The following MYO18B variants were observed in gnomAD, a reference collection of about 807,000 sequenced individuals.
MYO18B encodes myosin XVIIIB.
MYO18B carries 204 observed loss-of-function variants against 273.0 expected under a neutral mutation model. The ratio of observed to expected loss-of-function variants is 0.75; its 90% confidence interval spans 0.67 to 0.84. The LOEUF is 0.84. Among genes scored for constraint, MYO18B ranks in the 40% least tolerant of loss-of-function variants. The pLI is 0.00. For synonymous variants in MYO18B, 1,330 were observed against 1,305.7 expected, an observed-to-expected ratio of 1.02 and a Z score of -0.40; for missense variants, 3,212 against 3,287.6, an observed-to-expected ratio of 0.98 and a Z score of 0.56.
Position 25,768,343 on chromosome 22 carries a change from C to G in MYO18B, c.427C>G (p.Pro143Ala). The change falls in exon 4 of 44, where the codon CCC (proline) becomes GCC (alanine). Residue 143 changes from proline (P) to alanine (A), a missense_variant. Transcript: ENST00000335473. The stretch of plus-strand genomic sequence containing the variant: ...TGCGACACCAACCAAAAAGACTGTC[C>G]CCTTCAAGAGGGGCGTGAGGAGGGG... ...SSATPTKKTV[P>A]FKRGVRRGDV... 1 of 1,613,686 alleles carries G rather than the reference C, an allele frequency of 6.2e-7. No individual in the cohort carries two copies. Among genetic ancestry groups the G allele is most frequent in the Non-Finnish European group, 8.5e-7 (1 of 1,179,754 alleles).
chr22:25,977,076 G>A (rs2093097846), intron 39 of MYO18B, among the ~76,000 whole-genome samples: 1 of 152,156 alleles, frequency 6.6e-6, no homozygotes, highest in Non-Finnish European at 1.5e-5. Flanking sequence ...GAGTTGAGGG[G>A]CCGACTGTAG....
At chr22:25,968,040 T>A (rs2092997584) in intron 39 of MYO18B, among the ~76,000 whole-genome samples, 1 of 152,098 alleles carries the variant, frequency 6.6e-6, no homozygotes, top group Admixed American at 6.6e-5. Flanking sequence ...TGCCTTGGAG[T>A]TGATTGCCAT....
intron 10 of MYO18B, among the ~76,000 whole-genome samples, chr22:25,783,046 C>A (rs2087228035): frequency 1.3e-5 from 2 of 152,148 alleles, no homozygotes; most frequent in Admixed American, 1.3e-4. Flanking sequence ...TGACTGTATC[C>A]CAGTGTTGTG....
intron 31 of MYO18B, among the ~76,000 whole-genome samples, chr22:25,905,020 T>A (rs957531382): frequency 1.3e-5 from 2 of 152,020 alleles, no homozygotes; most frequent in Admixed American, 1.3e-4. Context: ...TCTTGTGGGA[T>A]TTTGTAAAAG....
At chr22:25,773,460 A>C (rs1012810114) in intron 7 of MYO18B, among the ~76,000 whole-genome samples, 1 of 151,880 alleles carries the variant, frequency 6.6e-6, no homozygotes, top group Non-Finnish European at 1.5e-5. Flanking sequence ...TACTATGGGT[A>C]TTTATTTATT....
rs910288045 is a variant in MYO18B at position 25,882,089 on chromosome 22, C to G, written c.4314+4041C>G. Among the ~76,000 whole-genome samples, 4 of 152,118 alleles carry G rather than the reference C, an allele frequency of 2.6e-5. No homozygotes were observed. The South Asian group carries it at 8.3e-4, about 32-fold the overall frequency. On this transcript the variant is annotated intron_variant, in intron 25 of 43. Coordinates refer to ENST00000335473, the MANE Select transcript of MYO18B (RefSeq NM_032608.7). ...CAACACTCTAAGGGTGGGTTAGGGC[C>G]CTACTCTGTGCTACCACTAGCCTTG...
intron 34 of MYO18B, among the ~76,000 whole-genome samples, chr22:25,925,855 A>G (rs941637724): frequency 2.1e-5 from 3 of 142,070 alleles, no homozygotes; most frequent in Non-Finnish European, 4.5e-5. Context: ...TGGTGAACTG[A>G]GATCGCGCCA....
intron 17 of MYO18B, among the ~76,000 whole-genome samples, chr22:25,839,084 TAG>T (rs1405225622): frequency 2.0e-5 from 3 of 150,968 alleles, no homozygotes. Flanking sequence ...ATATATGTAT[TAG>T]TGTGTATACG....
rs1277547439 is a variant in MYO18B at position 25,988,021 on chromosome 22, C to T, written c.6157-4342C>T. 2.0e-5 allele frequency among the ~76,000 whole-genome samples: 3 copies of T among 152,128 alleles called. No homozygotes were observed. In the East Asian group the frequency reaches 5.8e-4, roughly 29 times the overall value. On this transcript the variant is annotated intron_variant, in intron 39 of 43. Transcript: ENST00000335473. The stretch of plus-strand genomic sequence containing the variant: ...CAGAGAAGACTAAGCTCACAATCGA[C>T]CTCAGCACACAACCCCATTTTCATG...
intron 22 of MYO18B, among the ~76,000 whole-genome samples, chr22:25,871,261 A>G (rs1170977953): frequency 6.6e-6 from 1 of 152,140 alleles, no homozygotes; most frequent in African/African-American, 2.4e-5. Flanking sequence ...AGCCTCAGTT[A>G]TCTGTAAAAT....
Position 25,878,067 on chromosome 22 carries a change from T to A in MYO18B, c.4314+19T>A, listed in dbSNP as rs1258908597. 4 of 1,558,142 alleles carry A rather than the reference T, an allele frequency of 2.6e-6. No individual in the cohort carries two copies. The Admixed American group carries it at 7.6e-5, about 30-fold the overall frequency. On this transcript the variant is annotated intron_variant, in intron 25 of 43. Transcript: ENST00000335473. Reference sequence around the variant, plus strand: ...AAGCAAGGTATCCCCATCCCTCCTCTTGGGTCCTTGTGGGGGGTCTTTATG... The same window carrying A: ...AAGCAAGGTATCCCCATCCCTCCTCATGGGTCCTTGTGGGGGGTCTTTATG...
chr22:25,818,343 A>G (rs1402198626), intron 12 of MYO18B, among the ~76,000 whole-genome samples: 1 of 152,110 alleles, frequency 6.6e-6, no homozygotes, highest in Non-Finnish European at 1.5e-5. Context: ...GGCTTTGCAA[A>G]GAGCTGATGG....
intron 33 of MYO18B, among the ~76,000 whole-genome samples, chr22:25,911,547 G>T (rs1210904458): frequency 2.0e-5 from 3 of 152,182 alleles, no homozygotes; most frequent in Non-Finnish European, 1.5e-5. Context: ...TGTACACCAG[G>T]GTTCTCGACT....
intron 39 of MYO18B, among the ~76,000 whole-genome samples, chr22:25,973,706 T>C (rs1331735814): frequency 2.0e-5 from 3 of 152,148 alleles, no homozygotes; most frequent in African/African-American, 7.2e-5. Flanking sequence ...ACAGCAGGCA[T>C]GATCTCAAAC....
At chr22:25,747,251 A>G (rs2085808185) in intron 1 of MYO18B, among the ~76,000 whole-genome samples, 1 of 152,226 alleles carries the variant, frequency 6.6e-6, no homozygotes, top group Non-Finnish European at 1.5e-5. Flanking sequence ...GCCGGGAAAC[A>G]CTAGGTTGGA....
chr22:26,053,456 C>T, the MYO18B span, among the ~76,000 whole-genome samples: 779 of 152,332 alleles, frequency 5.1e-3, 5 homozygotes, highest in African/African-American at 0.016. Context: ...AACTTACACC[C>T]ATGTCTATTT....
At position 25,989,990 on chromosome 22, in the gene MYO18B, A is replaced by G. The variant is rs182502577; in HGVS notation, c.6157-2373A>G. Among the ~76,000 whole-genome samples the G allele has an allele frequency of 8.2e-4, 124 of 152,114 alleles. 2 individuals are homozygous for G. The highest frequency in any genetic ancestry group is 2.9e-3 in the African/African-American group (119 of 41,510). ...TCACCTTGTCAAGGCTGAGATGGGG[A>G]TTTCACAGTTGGTGGCTTCAATCAA... On this transcript the variant is annotated intron_variant, in intron 39 of 43. Transcript: ENST00000335473.
In MYO18B at chr22:25,768,533, C is replaced by T. The variant is rs921479563; in HGVS notation, c.617C>T (p.Thr206Ile). 7 of 1,555,288 alleles carry T rather than the reference C, an allele frequency of 4.5e-6. No individual in the cohort carries two copies. Among genetic ancestry groups the T allele is most frequent in the Non-Finnish European group, 4.3e-6 (5 of 1,153,838 alleles). Residue 206 changes from threonine to isoleucine, a missense_variant, in exon 4 of 44, where the codon ACC becomes ATC. By Grantham distance (89) the Thr-to-Ile change is moderately conservative. Coordinates refer to ENST00000335473, the MANE Select transcript of MYO18B (RefSeq NM_032608.7). ...ACTCCTTGTGGCTCCCAGGCCAGCA[C>T]CGAGATCTTGGCCCCGAAAGCTGAG... Reference protein sequence around the residue: ...SRTPCGSQASTEILAPKAEKT... With the variant: ...SRTPCGSQASIEILAPKAEKT...
intron 25 of MYO18B, among the ~76,000 whole-genome samples, chr22:25,885,313 G>A (rs1015382566): frequency 5.9e-5 from 9 of 152,222 alleles, no homozygotes; most frequent in Non-Finnish European, 8.8e-5. Context: ...GTGAATGGCA[G>A]AACTGTGATT....
Sources: allele counts gnomAD v4.1 joint callset (sites outside exome capture counted in the v4.1 genomes callset), GRCh38; gene constraint gnomAD v4.1.1; transcripts MANE v1.5; gene names NCBI Gene and HGNC (gene_info 2026-07-23, HGNC 2026-07-21).